The following DNAH7 variants were observed in gnomAD, a reference collection of about 807,000 sequenced individuals.
DNAH7 encodes the protein dynein axonemal heavy chain 7, also known as axonemal beta dynein heavy chain 7.
DNAH7 carries 397 observed loss-of-function variants against 444.6 expected under a neutral mutation model. That is an observed-to-expected ratio of 0.89 (90% CI 0.82 to 0.97). The LOEUF is 0.97. Among genes scored for constraint, DNAH7 ranks in the 50% least tolerant of loss-of-function variants. The pLI is 0.00. For synonymous variants in DNAH7, 1,636 were observed against 1,624.4 expected (o/e 1.01, Z -0.17); for missense variants, 4,902 against 4,800.8 (o/e 1.02, Z -0.62).
chr2:195,811,203 C>T (rs1696952380), intron 51 of DNAH7, among the ~76,000 whole-genome samples: 1 of 152,038 alleles, frequency 6.6e-6, no homozygotes, highest in African/African-American at 2.4e-5. Flanking sequence ...AATAATCTTC[C>T]AGGAAAGGAA....
intron 46 of DNAH7, among the ~76,000 whole-genome samples, chr2:195,852,328 T>C (rs1699424104): frequency 6.6e-6 from 1 of 151,716 alleles, no homozygotes; most frequent in South Asian, 2.1e-4. Flanking sequence ...GAGATAGTTC[T>C]GAAATTAAAT....
chr2:195,960,322 A>G lies in DNAH7; in HGVS notation c.2829T>C (p.His943=). Residue 943 remains histidine (H), a synonymous_variant, in exon 18 of 65, where the codon CAT becomes CAC. Coordinates refer to ENST00000312428, the MANE Select transcript of DNAH7 (RefSeq NM_018897.3). ...VDEIQMLLDD[H]IIKTQTMRGS... Reference sequence around the variant, plus strand: ...CTCGCATAGTTTGTGTTTTAATAATATGGTCATCCAACAACATCTGAATTT... The same window carrying G: ...CTCGCATAGTTTGTGTTTTAATAATGTGGTCATCCAACAACATCTGAATTT... 6.2e-7 allele frequency: 1 copy of G among 1,613,948 alleles called. No individual in the cohort carries two copies. Among genetic ancestry groups the G allele is most frequent in the Non-Finnish European group, 8.5e-7 (1 of 1,180,010 alleles).
intron 5 of DNAH7, among the ~76,000 whole-genome samples, chr2:196,043,640 G>A (rs1464547981): frequency 6.6e-6 from 1 of 151,624 alleles, no homozygotes; most frequent in Non-Finnish European, 1.5e-5. Context: ...CAGAGTGGGA[G>A]AATAAATTCG....
chr2:195,972,539 A>G (rs1691917963), intron 15 of DNAH7, 73 bp from the exon 16 acceptor site: 2 of 1,112,522 alleles, frequency 1.8e-6, no homozygotes, highest in African/African-American at 1.5e-5. Context: ...GCGGAAATAC[A>G]CTGTATAACT....
In DNAH7 at chr2:195,864,304, C is replaced by G. The variant is rs984004369; in HGVS notation, c.7351G>C (p.Asp2451His). 5 of 1,614,144 alleles carry G rather than the reference C, an allele frequency of 3.1e-6. No individual in the cohort carries two copies. The Admixed American group carries it at 8.3e-5, about 27-fold the overall frequency. ...DRQRDKTKQT[D>H]GSPIALFNMF... The stretch of plus-strand genomic sequence containing the variant: ...TTGAAAAGGGCTATGGGGCTGCCAT[C>G]TGTTTGCTTGGTTTTATCCCGCTGG... Residue 2451 changes from aspartate to histidine, a missense_variant, in exon 41 of 65, where the codon GAT becomes CAT. Coordinates refer to ENST00000312428, the MANE Select transcript of DNAH7 (RefSeq NM_018897.3).
chr2:195,891,597 G>A, intron 31 of DNAH7, 58 bp downstream of exon 31: 3 of 1,385,980 alleles, frequency 2.2e-6, no homozygotes, highest in Non-Finnish European at 2.9e-6. Flanking sequence ...ATCAGAAATT[G>A]GTCAGAAATA....
chr2:195,780,501 C>T (rs900835301), intron 58 of DNAH7, among the ~76,000 whole-genome samples: 1 of 152,118 alleles, frequency 6.6e-6, no homozygotes, highest in Non-Finnish European at 1.5e-5. Flanking sequence ...GTAATCCCAG[C>T]ACTTTGGGAG....
At chr2:195,871,068 T>G (rs577863914) in intron 40 of DNAH7, among the ~76,000 whole-genome samples, 4 of 152,278 alleles carry the variant, frequency 2.6e-5, no homozygotes, top group Admixed American at 2.6e-4. Flanking sequence ...TATAAGAATC[T>G]CTACATCATC....
intron 19 of DNAH7, among the ~76,000 whole-genome samples, chr2:195,954,522 T>C (rs1451912008): frequency 6.6e-6 from 1 of 152,262 alleles, no homozygotes; most frequent in Non-Finnish European, 1.5e-5. Flanking sequence ...GCATGATTTA[T>C]AATCCTTTGG....
At chr2:195,996,246 G>C (rs1416587311) in intron 12 of DNAH7, among the ~76,000 whole-genome samples, 3 of 152,180 alleles carry the variant, frequency 2.0e-5, no homozygotes, top group African/African-American at 7.2e-5. Flanking sequence ...AACCAGAGCA[G>C]ACTAAAATCC....
chr2:195,894,974 G>T lies in DNAH7; in HGVS notation c.4896+2C>A. The stretch of plus-strand genomic sequence containing the variant: ...AAATTAATGCATTAATAATATACTT[G>T]CCTTTTCACATATATCATTTAGTGC... On this transcript the variant is annotated splice_donor_variant, in intron 30 of 64. Transcript: ENST00000312428. LOFTEE classifies it high-confidence loss of function. The T allele has an allele frequency of 6.3e-7, 1 of 1,597,452 alleles. No homozygotes were observed. Among genetic ancestry groups the T allele is most frequent in the South Asian group, 1.1e-5 (1 of 87,548 alleles).
intron 12 of DNAH7, 41 bp downstream of exon 12, chr2:196,000,663 A>C (rs755273937): frequency 1.3e-5 from 19 of 1,409,386 alleles, no homozygotes; most frequent in Non-Finnish European, 1.8e-5. Context: ...AGTGAATGTC[A>C]TTATGCAAAT....
chr2:196,012,978 C>A, intron 9 of DNAH7, 72 bp from the exon 10 acceptor site: 1 of 1,127,746 alleles, frequency 8.9e-7, no homozygotes, highest in Non-Finnish European at 1.2e-6. Context: ...TAATTGGTTC[C>A]TTCTTAAAAA....
At chr2:195,931,347 G>A (rs930872160) in intron 21 of DNAH7, among the ~76,000 whole-genome samples, 13 of 151,824 alleles carry the variant, frequency 8.6e-5, no homozygotes, top group African/African-American at 1.7e-4. Context: ...AGTAGGTTGC[G>A]AAAATTTTCT....
intron 1 of DNAH7, among the ~76,000 whole-genome samples, chr2:196,062,813 GTTTACT>G (rs1418798164): frequency 2.6e-5 from 4 of 152,146 alleles, no homozygotes; most frequent in Admixed American, 6.5e-5. Context: ...AATAAAGAAT[GTTTACT>G]TTTATTTTTG....
At chr2:195,954,127 T>C (rs1161166213) in intron 19 of DNAH7, among the ~76,000 whole-genome samples, 1 of 152,144 alleles carries the variant, frequency 6.6e-6, no homozygotes. Context: ...GCTGCACCCA[T>C]TAACTCGTCA....
intron 3 of DNAH7, among the ~76,000 whole-genome samples, chr2:196,050,489 A>G (rs1697396721): frequency 1.3e-5 from 2 of 152,228 alleles, no homozygotes; most frequent in South Asian, 4.1e-4. Flanking sequence ...AAAATGGTAA[A>G]TTTTATGTTA....
chr2:196,032,452 T>C (rs1239499082), intron 5 of DNAH7, among the ~76,000 whole-genome samples: 1 of 152,136 alleles, frequency 6.6e-6, no homozygotes, highest in Non-Finnish European at 1.5e-5. Flanking sequence ...GGTTGGCAGA[T>C]ACCAAAGGAG....
rs896428060 is a variant in DNAH7, at chr2:195,809,752, T to A, written c.9881A>T (p.Glu3294Val). ...FCLTINLLLH[E>V]RAINKAEWRF... ...AATGAAAACAGTACTGACCGCCCGC[T>A]CATGCAGCAGTAGATTTATGGTTAG... is the stretch of plus-strand genomic sequence containing the variant. The change falls in exon 52 of 65, where the codon GAG becomes GTG. Residue 3294 changes from glutamate (E) to valine (V), a missense_variant. Transcript: ENST00000312428. 1.3e-5 allele frequency: 21 copies of A among 1,586,206 alleles called. No individual in the cohort carries two copies. The highest frequency in any genetic ancestry group is 1.8e-5 in the Non-Finnish European group (21 of 1,167,020).
Sources: gnomAD v4.1 joint callset for allele counts (sites outside exome capture counted in the v4.1 genomes callset) on GRCh38, gnomAD v4.1.1 for gene constraint, MANE v1.5 for transcripts, NCBI Gene and HGNC (gene_info 2026-07-23, HGNC 2026-07-21) for gene names.